Variants in KIF1A observed in about 807,000 individuals in gnomAD.
KIF1A encodes the protein kinesin family member 1A.
KIF1A carries 46 observed loss-of-function variants against 227.3 expected under a neutral mutation model. The observed-to-expected ratio is 0.20, with a 90% CI of 0.16 to 0.26. The LOEUF (loss-of-function observed/expected upper bound fraction) is 0.26. KIF1A is among the 10% of genes least tolerant of loss of function. The pLI is 1.00. For missense variants in KIF1A, 1,683 were observed against 2,485.9 expected (o/e 0.68, Z 6.87); for synonymous variants, 1,022 against 1,012.8 (o/e 1.01, Z -0.17).
At chr2:240,729,970 C>T (rs376440625) in intron 38 of KIF1A, among the ~76,000 whole-genome samples, 1 of 152,230 alleles carries the variant, frequency 6.6e-6, no homozygotes, top group Non-Finnish European at 1.5e-5. Context: ...GCTTCCCACT[C>T]TGCCCAGGGG....
At chr2:240,762,984 G>T in intron 22 of KIF1A, 35 bp downstream of exon 22, 1 of 1,448,748 alleles carries the variant, frequency 6.9e-7, no homozygotes, top group East Asian at 2.5e-5. Context: ...GTGTGGGTGG[G>T]GGCTGGGCAG....
intron 38 of KIF1A, among the ~76,000 whole-genome samples, chr2:240,735,974 C>T (rs1405096664): frequency 2.0e-5 from 3 of 151,208 alleles, no homozygotes; most frequent in Non-Finnish European, 4.4e-5. Context: ...CTGTGCCCAA[C>T]CCCCACCCCC....
intron 42 of KIF1A, 65 bp downstream of exon 42, chr2:240,723,348 T>C: frequency 6.9e-7 from 1 of 1,451,790 alleles, no homozygotes; most frequent in South Asian, 1.4e-5. Flanking sequence ...CTCTCCAGCT[T>C]TTGCTCTGCA....
intron 5 of KIF1A, among the ~76,000 whole-genome samples, chr2:240,786,882 TTC>T (rs2126084402): frequency 9.3e-6 from 1 of 107,218 alleles, no homozygotes; most frequent in Admixed American, 9.7e-5. Context: ...TGTGTGTATG[TTC>T]GAGGCAGGGG....
rs547693472 is a variant in KIF1A, at chr2:240,792,751, G to A, written c.107-3439C>T. ...AGCTGGCATTTGGAAATGGGGCCTT[G>A]TGAAGTGATGAGGATGAGACGAAGC... On this transcript the variant is annotated intron_variant, in intron 2 of 48. Coordinates refer to ENST00000498729, the MANE Select transcript of KIF1A (RefSeq NM_001244008.2). The surrounding 1 kb of genome is among the most constrained non-coding windows in gnomAD (Gnocchi z 4.5). Among the ~76,000 whole-genome samples the A allele has an allele frequency of 6.6e-6, 1 of 152,294 alleles. No individual in the cohort carries two copies. The highest frequency in any genetic ancestry group is 1.9e-4 in the East Asian group (1 of 5,178).
At position 240,788,239 on chromosome 2, in the gene KIF1A, C is replaced by G. The variant is rs528203482; in HGVS notation, c.184-9G>C. On this transcript the variant is annotated splice_polypyrimidine_tract_variant and intron_variant, in intron 3 of 48. Coordinates refer to ENST00000498729, the MANE Select transcript of KIF1A (RefSeq NM_001244008.2). The surrounding 1 kb of genome is among the most constrained non-coding windows in gnomAD (Gnocchi z 6.6). Reference sequence around the variant, plus strand: ...TAGTTGATGTCCTCAGGCTGGAGGACGAGGAAGGAATGAAGTTGCAGGAGG... The same window carrying G: ...TAGTTGATGTCCTCAGGCTGGAGGAGGAGGAAGGAATGAAGTTGCAGGAGG... 2 of 1,613,120 alleles carry G rather than the reference C, an allele frequency of 1.2e-6. No homozygotes were observed. Among genetic ancestry groups the G allele is most frequent in the East Asian group, 4.5e-5 (2 of 44,886 alleles).
chr2:240,727,620 C>A (rs1421819949), intron 38 of KIF1A, among the ~76,000 whole-genome samples: 1 of 152,184 alleles, frequency 6.6e-6, no homozygotes, highest in African/African-American at 2.4e-5. Context: ...TGTTAGCACA[C>A]GGGAGACAGC....
intron 38 of KIF1A, among the ~76,000 whole-genome samples, chr2:240,733,248 G>A (rs545812050): frequency 6.6e-6 from 1 of 152,196 alleles, no homozygotes; most frequent in South Asian, 2.1e-4. Context: ...TAGAGCCCAA[G>A]CTGATGGGCT....
At chr2:240,749,243 C>A (rs371001249) in intron 28 of KIF1A, among the ~76,000 whole-genome samples, 2 of 152,130 alleles carry the variant, frequency 1.3e-5, no homozygotes, top group Non-Finnish European at 2.9e-5. Flanking sequence ...ATAGCAGAGC[C>A]GGGAGAACCA....
intron 38 of KIF1A, among the ~76,000 whole-genome samples, chr2:240,733,904 G>C (rs998934256): frequency 3.3e-5 from 5 of 152,250 alleles, no homozygotes; most frequent in African/African-American, 1.2e-4. Context: ...GAACGGACTC[G>C]AGTTCTCACC....
At chr2:240,729,401 T>C (rs2046369000) in intron 38 of KIF1A, among the ~76,000 whole-genome samples, 1 of 152,134 alleles carries the variant, frequency 6.6e-6, no homozygotes, top group Non-Finnish European at 1.5e-5. Context: ...CAGCACCTAC[T>C]CCCTTCTCTG....
rs1174820753 is a variant in KIF1A at position 240,736,978 on chromosome 2, G to A, written c.4007+85C>T. ...GAGCGTTGAGCGGGTCACCTTGTGT[G>A]GCTGAACCCTGTGCCGGGTTGGCTG... is the stretch of plus-strand genomic sequence containing the variant. On this transcript the variant is annotated intron_variant, in intron 38 of 48. Coordinates refer to ENST00000498729, the MANE Select transcript of KIF1A (RefSeq NM_001244008.2). This position sits in a 1 kb window ranked among gnomAD's most constrained non-coding sequence, Gnocchi z 4.7. 8.9e-6 allele frequency: 10 copies of A among 1,124,372 alleles called. No homozygotes were observed. In the East Asian group the frequency reaches 2.4e-4, roughly 27 times the overall value. The allele number at this position is 1,124,372 out of a possible 1,614,324, so 69.6% of individuals were successfully genotyped here.
chr2:240,788,041 C>CCCCA lies in KIF1A; in HGVS notation c.363+9_363+10insTGGG. On this transcript the variant is annotated intron_variant, in intron 4 of 48. Coordinates refer to ENST00000498729, the MANE Select transcript of KIF1A (RefSeq NM_001244008.2). This position sits in a 1 kb window ranked among gnomAD's most constrained non-coding sequence, Gnocchi z 6.6. Reference sequence around the variant, plus strand: ...GCCAGGGCTGCCCCCGCCCGCCCCCCGCTTCGTGCCTGTGGGATGATGCCC... The same window carrying CCCCA: ...GCCAGGGCTGCCCCCGCCCGCCCCCCCCCAGCTTCGTGCCTGTGGGATGATGCCC... 2.0e-6 allele frequency: 3 copies of CCCCA among 1,520,654 alleles called. No homozygotes were observed. Among genetic ancestry groups the CCCCA allele is most frequent in the East Asian group, 2.4e-5 (1 of 40,870 alleles). The allele number at this position is 1,520,654 out of a possible 1,614,324, so 94.2% of individuals were successfully genotyped here.
At chr2:240,720,766 C>T in intron 45 of KIF1A, 148 bp downstream of exon 45, 1 of 975,828 alleles carries the variant, frequency 1.0e-6, no homozygotes, top group Non-Finnish European at 1.5e-6. Flanking sequence ...GACTCCACTC[C>T]TCCAGGCCCT....
intron 10 of KIF1A, among the ~76,000 whole-genome samples, chr2:240,780,297 T>C (rs896695637): frequency 6.0e-5 from 9 of 151,048 alleles, no homozygotes; most frequent in Non-Finnish European, 1.2e-4. Context: ...CCCACACCCC[T>C]CCACACACTT....
At chr2:240,769,505 T>G (rs2051649504) in intron 16 of KIF1A, 122 bp downstream of exon 16, 1 of 785,364 alleles carries the variant, frequency 1.3e-6, no homozygotes, top group Non-Finnish European at 2.0e-6. Context: ...TGGGCTGGGA[T>G]GTGGCCACCC....
At chr2:240,780,848 CCA>C (rs1372214850) in intron 10 of KIF1A, among the ~76,000 whole-genome samples, 625 of 20,178 alleles carry the variant, frequency 0.031, 18 homozygotes, top group Non-Finnish European at 0.036. Context: ...ACACACAGCT[CCA>C]CACACACACA....
chr2:240,737,307 G>A, intron 37 of KIF1A, 139 bp from the exon 38 acceptor site: 1 of 673,434 alleles, frequency 1.5e-6, no homozygotes. Flanking sequence ...GGTGCCAGGG[G>A]GAACAGGGAG....
chr2:240,798,102 A>T, intron 1 of KIF1A: 1 of 221,766 alleles, frequency 4.5e-6, no homozygotes. Context: ...CTTCACACCC[A>T]CGGCAAACCC....
Sources: allele counts gnomAD v4.1 joint callset (sites outside exome capture counted in the v4.1 genomes callset), GRCh38; gene constraint gnomAD v4.1.1; non-coding constraint Gnocchi (gnomAD v3.1); transcripts MANE v1.5; gene names NCBI Gene and HGNC (gene_info 2026-07-23, HGNC 2026-07-21).